The following FAM20B variants were observed in gnomAD, a reference collection of about 807,000 sequenced individuals.
FAM20B encodes the protein glycosaminoglycan xylosylkinase.
In FAM20B, 23 loss-of-function variants were observed where a neutral mutation model predicts 43.8. The observed-to-expected ratio is 0.53, with a 90% CI of 0.38 to 0.74. FAM20B has a LOEUF of 0.74. FAM20B is among the 30% of genes least tolerant of loss of function. The pLI is 0.00. For synonymous variants in FAM20B, 178 were observed against 192.4 expected, an observed-to-expected ratio of 0.93 and a Z score of 0.62; for missense variants, 440 against 510.5, an observed-to-expected ratio of 0.86 and a Z score of 1.33.
At chr1:179,040,531 C>CA (rs1557868939) in intron 1 of FAM20B, among the ~76,000 whole-genome samples, 9 of 119,118 alleles carry the variant, frequency 7.6e-5, no homozygotes, top group Non-Finnish European at 1.2e-4. Context: ...GCTGGCCGGG[C>CA]GGGGGGCTGA....
rs1399847182 is a variant in FAM20B, at chr1:179,076,539, AAATG to A, written c.*4399_*4402del. On this transcript the variant is annotated 3_prime_UTR_variant, in exon 8 of 8. Coordinates refer to ENST00000263733, the MANE Select transcript of FAM20B (RefSeq NM_014864.4). The stretch of plus-strand genomic sequence containing the variant: ...TATGGGTTTCAATTCTGAAAAAAGA[AAATG>A]AATAAAGATTTTAATAAATATTGAT... The A allele has an allele frequency of 2.6e-5, 4 of 152,604 alleles. No individual in the cohort carries two copies. Among genetic ancestry groups the A allele is most frequent in the Non-Finnish European group, 4.4e-5 (3 of 68,036 alleles). The allele number at this position is 152,604 out of a possible 1,614,324, so 9.5% of individuals were successfully genotyped here.
Position 179,054,551 on chromosome 1 carries a change from C to G in FAM20B, c.487C>G (p.Pro163Ala). 1.9e-6 allele frequency: 3 copies of G among 1,612,842 alleles called. No individual in the cohort carries two copies. The highest frequency in any genetic ancestry group is 2.5e-6 in the Non-Finnish European group (3 of 1,179,054). Reference protein sequence around the residue: ...LDRILGFHRAPLVVGRFVNLR... With the variant: ...LDRILGFHRAALVVGRFVNLR... ...CAGGATTCTGGGTTTCCACCGAGCC[C>G]CCTTGGTAGTTGGCAGATTTGTTAA... Residue 163 changes from proline (P) to alanine (A), a missense_variant, in exon 4 of 8, where the codon CCC (proline) becomes GCC (alanine). Transcript: ENST00000263733.
chr1:179,071,514 C>T (rs1383260413), intron 7 of FAM20B, among the ~76,000 whole-genome samples: 1 of 152,092 alleles, frequency 6.6e-6, no homozygotes, highest in Non-Finnish European at 1.5e-5. Flanking sequence ...CCAACCTCTT[C>T]CCCCCACCCA....
At chr1:179,057,352 A>T (rs1034579927) in intron 4 of FAM20B, among the ~76,000 whole-genome samples, 1 of 152,202 alleles carries the variant, frequency 6.6e-6, no homozygotes, top group Non-Finnish European at 1.5e-5. Flanking sequence ...TCTCAAAAAA[A>T]AAAAAATATT....
chr1:179,056,878 A>G (rs1263822623), intron 4 of FAM20B, among the ~76,000 whole-genome samples: 1 of 152,140 alleles, frequency 6.6e-6, no homozygotes, highest in Non-Finnish European at 1.5e-5. Context: ...CTGATGACAT[A>G]TAATGTACAG....
chr1:179,019,443 GT>G, the FAM20B span, among the ~76,000 whole-genome samples: 563 of 144,578 alleles, frequency 3.9e-3, 7 homozygotes, highest in South Asian at 0.013. Context: ...TTTCTTTCTG[GT>G]TTTTTTTTTT....
chr1:179,043,023 G>A (rs1415330977), intron 1 of FAM20B, among the ~76,000 whole-genome samples: 1 of 152,128 alleles, frequency 6.6e-6, no homozygotes, highest in African/African-American at 2.4e-5. Flanking sequence ...CTTGAAGGTG[G>A]GGCTTCACTG....
chr1:179,052,191 A>T (rs1297726047), intron 3 of FAM20B, among the ~76,000 whole-genome samples: 2 of 152,224 alleles, frequency 1.3e-5, no homozygotes, highest in Admixed American at 1.3e-4. Flanking sequence ...TACAAATATT[A>T]ATGGTCTTAA....
At chr1:179,070,064 G>T (rs904440955) in intron 7 of FAM20B, among the ~76,000 whole-genome samples, 1 of 152,090 alleles carries the variant, frequency 6.6e-6, no homozygotes, top group Non-Finnish European at 1.5e-5. Flanking sequence ...ATCTTATTTT[G>T]AGATGGAGTC....
At chr1:179,033,891 C>T (rs1048569233) in intron 1 of FAM20B, among the ~76,000 whole-genome samples, 5 of 152,124 alleles carry the variant, frequency 3.3e-5, no homozygotes, top group Admixed American at 6.5e-5. Context: ...TGGGGTTTCA[C>T]CATGTTGGCC....
At chr1:179,026,202 G>T (rs1256221360) in intron 1 of FAM20B, 104 bp downstream of exon 1, 1 of 150,064 alleles carries the variant, frequency 6.7e-6, no homozygotes, top group African/African-American at 2.4e-5. Context: ...CGTAGCGCGC[G>T]CCGGGCTGGG....
intron 7 of FAM20B, among the ~76,000 whole-genome samples, chr1:179,069,711 G>T (rs1651836026): frequency 6.6e-6 from 1 of 152,106 alleles, no homozygotes; most frequent in South Asian, 2.1e-4. Flanking sequence ...GAGCTGAGAG[G>T]AAGTAACATA....
chr1:179,041,755 G>C (rs934869074), intron 1 of FAM20B, among the ~76,000 whole-genome samples: 1 of 148,432 alleles, frequency 6.7e-6, no homozygotes, highest in African/African-American at 2.6e-5. Context: ...GGCAGGGAAA[G>C]GGGAGAGGGG....
the FAM20B span, among the ~76,000 whole-genome samples, chr1:179,020,590 A>G: frequency 5.9e-5 from 9 of 152,342 alleles, no homozygotes; most frequent in Non-Finnish European, 1.3e-4. Flanking sequence ...CCCTATAAAG[A>G]TGACAATTTC....
At chr1:179,044,348 A>C in intron 2 of FAM20B, 124 bp downstream of exon 2, 1 of 1,028,028 alleles carries the variant, frequency 9.7e-7, no homozygotes, top group Admixed American at 2.7e-5. Context: ...GGGGTAGACT[A>C]GATCTCTAAA....
rs115052587 is a variant in FAM20B at position 179,075,564 on chromosome 1, C to T, written c.*3420C>T. ...ACAAATTCATAGGATCTGATTTGCT[C>T]AGAGTATTATTCAAGAATGTATTAA... On this transcript the variant is annotated 3_prime_UTR_variant, in exon 8 of 8. Transcript: ENST00000263733. 2.4e-3 allele frequency: 373 copies of T among 152,576 alleles called. 4 individuals carry two copies. The highest frequency in any genetic ancestry group is 8.6e-3 in the African/African-American group (359 of 41,522). 9.5% of individuals were successfully genotyped at this position (152,576 alleles called of 1,614,324 possible).
chr1:179,018,736 A>G, the FAM20B span, among the ~76,000 whole-genome samples: 1 of 152,246 alleles, frequency 6.6e-6, no homozygotes, highest in Admixed American at 6.5e-5. Flanking sequence ...ATAGCATTAA[A>G]TCTGTATCAG....
At chr1:179,020,154 T>TACACACAC in the FAM20B span, among the ~76,000 whole-genome samples, 15 of 148,716 alleles carry the variant, frequency 1.0e-4, no homozygotes, top group South Asian at 4.4e-4. Flanking sequence ...TGTGTGTGTA[T>TACACACAC]ACACACACAC....
intron 7 of FAM20B, among the ~76,000 whole-genome samples, chr1:179,067,837 C>T (rs999751263): frequency 1.6e-4 from 24 of 152,134 alleles, no homozygotes; most frequent in Admixed American, 6.6e-4. Flanking sequence ...GATCTCAGCT[C>T]ACCGAAATCT....
Sources: allele counts gnomAD v4.1 joint callset (sites outside exome capture counted in the v4.1 genomes callset), GRCh38; gene constraint gnomAD v4.1.1; transcripts MANE v1.5; gene names NCBI Gene and HGNC (gene_info 2026-07-23, HGNC 2026-07-21).